EIF2AK4: variants seen among roughly 807,000 people sequenced by gnomAD.
EIF2AK4 encodes eIF-2-alpha kinase GCN2.
Under a neutral mutation model 211.1 loss-of-function variants are expected in EIF2AK4, and 139 were observed. That is an observed-to-expected ratio of 0.66 (90% CI 0.57 to 0.76). EIF2AK4 has a LOEUF of 0.76. EIF2AK4 is among the 30% of genes least tolerant of loss of function. EIF2AK4 has a pLI of 0.00. For synonymous variants in EIF2AK4, 710 were observed against 751.3 expected (o/e 0.94, Z 0.90); for missense variants, 1,664 against 2,043.8 (o/e 0.81, Z 3.58).
At chr15:40,012,181 A>C (rs1384478525) in intron 27 of EIF2AK4, among the ~76,000 whole-genome samples, 1 of 152,166 alleles carries the variant, frequency 6.6e-6, no homozygotes, top group Non-Finnish European at 1.5e-5. Flanking sequence ...GGCAGGCACA[A>C]TGGCAGGGAT....
At chr15:39,972,610 T>G (rs973682083) in intron 9 of EIF2AK4, among the ~76,000 whole-genome samples, 3 of 152,166 alleles carry the variant, frequency 2.0e-5, no homozygotes, top group Non-Finnish European at 4.4e-5. Flanking sequence ...AGGTGAAAAT[T>G]TATAGCCTAC....
chr15:39,998,006 T>A (rs1420777163), intron 19 of EIF2AK4, among the ~76,000 whole-genome samples: 1 of 152,216 alleles, frequency 6.6e-6, no homozygotes, highest in Non-Finnish European at 1.5e-5. Context: ...TAAGAACACT[T>A]CTCTGGATAA....
At chr15:39,950,901 A>G (rs1387747313) in intron 4 of EIF2AK4, among the ~76,000 whole-genome samples, 1 of 152,190 alleles carries the variant, frequency 6.6e-6, no homozygotes, top group East Asian at 1.9e-4. Context: ...GTTTATCTAT[A>G]ATTATTAGAA....
At position 39,988,852 on chromosome 15, in the gene EIF2AK4, T is replaced by C. The variant is rs145352324; in HGVS notation, c.2526+747T>C. On this transcript the variant is annotated intron_variant, in intron 15 of 38. Coordinates refer to ENST00000263791, the MANE Select transcript of EIF2AK4 (RefSeq NM_001013703.4). ...CCCATCTCTACTAAAAATACAAACA[T>C]TAGCTGAGTGTCGTGGTGCACACTT... Among the ~76,000 whole-genome samples the C allele has an allele frequency of 2.4e-4, 37 of 152,188 alleles. No individual in the cohort carries two copies. The East Asian group carries it at 7.0e-3, about 29-fold the overall frequency.
At chr15:39,976,086 A>C (rs943661776) in intron 11 of EIF2AK4, among the ~76,000 whole-genome samples, 4 of 152,252 alleles carry the variant, frequency 2.6e-5, no homozygotes, top group African/African-American at 9.6e-5. Context: ...TTTTAATCTT[A>C]AAATCAAGAC....
chr15:40,020,881 G>A lies in EIF2AK4; in HGVS notation c.4174-18G>A, dbSNP rs772777555. Reference sequence around the variant, plus strand: ...CAGTCTTGCTCCTCTAACTGTAACCGGTCTGTTTCTGATCCAGGTTACAAT... The same window carrying A: ...CAGTCTTGCTCCTCTAACTGTAACCAGTCTGTTTCTGATCCAGGTTACAAT... On this transcript the variant is annotated intron_variant, in intron 30 of 38. Coordinates refer to ENST00000263791, the MANE Select transcript of EIF2AK4 (RefSeq NM_001013703.4). 1.4e-5 allele frequency: 22 copies of A among 1,601,106 alleles called. No homozygotes were observed. The highest frequency in any genetic ancestry group is 5.6e-5 in the South Asian group (5 of 89,214).
chr15:39,957,320 CA>C (rs1268032501), intron 6 of EIF2AK4, among the ~76,000 whole-genome samples: 1 of 152,060 alleles, frequency 6.6e-6, no homozygotes, highest in African/African-American at 2.4e-5. Context: ...TGTGTGACCC[CA>C]ACACTTTGGG....
chr15:39,957,708 G>A (rs2034410427), intron 6 of EIF2AK4, among the ~76,000 whole-genome samples: 1 of 152,204 alleles, frequency 6.6e-6, no homozygotes, highest in South Asian at 2.1e-4. Context: ...AAGACACATG[G>A]TAGGTGCCTG....
chr15:40,012,914 G>C (rs1274420391), intron 27 of EIF2AK4, among the ~76,000 whole-genome samples: 3 of 152,178 alleles, frequency 2.0e-5, no homozygotes, highest in Non-Finnish European at 4.4e-5. Context: ...TATTGCCAAA[G>C]AGTTTCACAT....
chr15:40,003,250 A>G lies in EIF2AK4; in HGVS notation c.3293A>G (p.His1098Arg). Reference protein sequence around the residue: ...LLPRNRQIYEHNEAALFMDHS... With the variant: ...LLPRNRQIYERNEAALFMDHS... ...CCCCGAAACAGACAAATATATGAGC[A>G]CAACGAAGCTGCCCTATTCATGGAC... is the stretch of plus-strand genomic sequence containing the variant. Residue 1098 changes from histidine (H) to arginine (R), a missense_variant, in exon 23 of 39, where the codon CAC becomes CGC. Coordinates refer to ENST00000263791, the MANE Select transcript of EIF2AK4 (RefSeq NM_001013703.4). 2 of 1,614,210 alleles carry G rather than the reference A, an allele frequency of 1.2e-6. No homozygotes were observed. The highest frequency in any genetic ancestry group is 1.7e-6 in the Non-Finnish European group (2 of 1,180,036).
Position 40,029,420 on chromosome 15 carries a change from A to G in EIF2AK4, c.4517A>G (p.Asn1506Ser), listed in dbSNP as rs754527586. The G allele has an allele frequency of 1.9e-6, 3 of 1,613,006 alleles. No homozygotes were observed. In the Admixed American group the frequency reaches 5.0e-5, roughly 27 times the overall value. ...CTTGTTTTTAGAGAAGCTTCCGATA[A>G]TCTTGCAGTGCAAAATCTGAAGGGG... ...DERNGREASD[N>S]LAVQNLKGSF... The change falls in exon 34 of 39, where the codon AAT becomes AGT. Residue 1506 changes from asparagine to serine, a missense_variant. By Grantham distance (46) the Asn-to-Ser change is conservative. Transcript: ENST00000263791.
intron 35 of EIF2AK4, 126 bp from the exon 36 acceptor site, chr15:40,032,043 C>A (rs1402947179): frequency 9.0e-5 from 77 of 855,322 alleles, no homozygotes; most frequent in Non-Finnish European, 1.4e-4. Context: ...AACCTTTAGA[C>A]ACCATTTGGA....
At chr15:39,978,249 G>C (rs2034728989) in intron 13 of EIF2AK4, 102 bp downstream of exon 13, 1 of 535,726 alleles carries the variant, frequency 1.9e-6, no homozygotes, top group East Asian at 3.2e-5. Flanking sequence ...CTGATATTCA[G>C]ATATAGAAAC....
At position 39,961,896 on chromosome 15, in the gene EIF2AK4, A is replaced by G. The variant is rs192256972; in HGVS notation, c.856A>G (p.Ile286Val). 19 of 1,609,220 alleles carry G rather than the reference A, an allele frequency of 1.2e-5. No homozygotes were observed. Among genetic ancestry groups the G allele is most frequent in the Middle Eastern group, 1.7e-4 (1 of 6,050 alleles). ...GCTCATGGTGCACAAAGGGAAATGT[A>G]TTGGTGAGTAAACTAGCAAAATCTA... ...DQLMVHKGKC[I>V]GSDEQLGKLV... Residue 286 changes from isoleucine to valine, a missense_variant, in exon 7 of 39, where the codon ATT becomes GTT. Coordinates refer to ENST00000263791, the MANE Select transcript of EIF2AK4 (RefSeq NM_001013703.4).
chr15:39,977,139 A>AAAAACT, intron 12 of EIF2AK4: 1 of 316,056 alleles, frequency 3.2e-6, no homozygotes, highest in African/African-American at 2.1e-5. Flanking sequence ...GTTTAAAAAC[A>AAAAACT]AAAACAAAAA....
chr15:40,034,386 A>C lies in EIF2AK4; in HGVS notation c.4834A>C (p.Lys1612Gln). 6.2e-7 allele frequency: 1 copy of C among 1,614,130 alleles called. No individual in the cohort carries two copies. Among genetic ancestry groups the C allele is most frequent in the Non-Finnish European group, 8.5e-7 (1 of 1,180,000 alleles). The change falls in exon 38 of 39, where the codon AAG becomes CAG. Residue 1612 changes from lysine to glutamine, a missense_variant. Lys to Gln is a moderately conservative substitution (Grantham distance 53, BLOSUM62 1). This residue lies in a region of EIF2AK4 where 138 missense variants were observed against 165.1 expected (regional missense o/e 0.84). Coordinates refer to ENST00000263791, the MANE Select transcript of EIF2AK4 (RefSeq NM_001013703.4). ...GAAGCAGCTGCTGTCACGCCTGCCA[A>C]AGCAAAGATACCTCAAATTAGTCTG... ...TVKQLLSRLP[K>Q]QRYLKLVCDE... is the part of the protein sequence containing the mutation.
intron 11 of EIF2AK4, among the ~76,000 whole-genome samples, chr15:39,976,109 A>G (rs188345014): frequency 1.3e-5 from 2 of 152,372 alleles, no homozygotes; most frequent in East Asian, 3.9e-4. Flanking sequence ...TTAGAAATTT[A>G]GATAGCAGAT....
chr15:39,954,700 G>A (rs1385159125), intron 5 of EIF2AK4, among the ~76,000 whole-genome samples: 1 of 152,220 alleles, frequency 6.6e-6, no homozygotes, highest in African/African-American at 2.4e-5. Flanking sequence ...AAAAAGGATA[G>A]AGTGCTTTTT....
At chr15:39,944,353 C>T (rs768531775) in intron 3 of EIF2AK4, among the ~76,000 whole-genome samples, 1 of 151,770 alleles carries the variant, frequency 6.6e-6, no homozygotes, top group Non-Finnish European at 1.5e-5. Context: ...CCAATTCCCT[C>T]GAAGTATAAC....
Sources: allele counts gnomAD v4.1 joint callset (sites outside exome capture counted in the v4.1 genomes callset), GRCh38; gene constraint gnomAD v4.1.1; regional missense constraint gnomAD v4.1.1; transcripts MANE v1.5; gene names NCBI Gene and HGNC (gene_info 2026-07-23, HGNC 2026-07-21).